Variants in F5 observed in about 807,000 individuals in gnomAD.
F5 encodes coagulation factor V.
A neutral mutation model predicts 216.4 loss-of-function variants in F5; 138 were observed. The ratio of observed to expected loss-of-function variants is 0.64; its 90% CI spans 0.56 to 0.73. The LOEUF (loss-of-function observed/expected upper bound fraction) is 0.73. F5 is among the 30% of genes least tolerant of loss of function. The pLI, the probability that F5 is intolerant of heterozygous loss-of-function variation, is 0.00. For missense variants in F5, 2,403 were observed against 2,674.0 expected (o/e 0.90, Z 2.24); for synonymous variants, 916 against 930.7 (o/e 0.98, Z 0.29).
chr1:169,540,950 A>C lies in F5; in HGVS notation c.4140T>G (p.Ser1380Arg). The part of the protein sequence containing the change: ...LSQTNLSPEL[S>R]QTNLSPDLSE... The stretch of plus-strand genomic sequence containing the variant: ...TGAGGTCTGGGGAAAGGTTTGTCTG[A>C]CTGAGTTCTGGAGAGAGGTTTGTCT... The change falls in exon 13 of 25, where the codon AGT (serine) becomes AGG (arginine). Residue 1380 changes from serine (S) to arginine (R), a missense_variant. Ser to Arg is a moderately radical substitution (Grantham distance 110, BLOSUM62 -1). Coordinates refer to ENST00000367797, the MANE Select transcript of F5 (RefSeq NM_000130.5). 1 of 1,611,624 alleles carries C rather than the reference A, an allele frequency of 6.2e-7. No homozygotes were observed. The highest frequency in any genetic ancestry group is 2.2e-5 in the East Asian group (1 of 44,874).
chr1:169,534,319 T>C (rs1490373936), intron 14 of F5, among the ~76,000 whole-genome samples: 1 of 152,154 alleles, frequency 6.6e-6, no homozygotes, highest in African/African-American at 2.4e-5. Flanking sequence ...CTGTGGCTTG[T>C]CCTGCTACAA....
chr1:169,558,085 A>G (rs905229054), intron 5 of F5, among the ~76,000 whole-genome samples: 1 of 152,150 alleles, frequency 6.6e-6, no homozygotes, highest in African/African-American at 2.4e-5. Context: ...GCATCCATAT[A>G]CTTATACAGA....
rs754443863 is a variant in F5 at position 169,542,998 on chromosome 1, G to A, written c.2092C>T (p.Pro698Ser). The change falls in exon 13 of 25, where the codon CCT becomes TCT. Residue 698 changes from proline to serine, a missense_variant. Physicochemically the swap from Pro to Ser is moderately conservative, Grantham distance 74. Around this residue, in one of 4 missense-constraint regions of F5, gnomAD observed 1,425 missense variants for 1,554.8 expected, o/e 0.92. Coordinates refer to ENST00000367797, the MANE Select transcript of F5 (RefSeq NM_000130.5). ...GTAGCCATGACTGTAGATTCTGGAGGTTCAAAAATCTCATATGAGTCTTCA... is the reference window on the plus strand; with the variant it reads ...GTAGCCATGACTGTAGATTCTGGAGATTCAAAAATCTCATATGAGTCTTCA... ...DDEDSYEIFE[P>S]PESTVMATRK... 6.2e-7 allele frequency: 1 copy of A among 1,613,984 alleles called. No homozygotes were observed. Among genetic ancestry groups the A allele is most frequent in the Non-Finnish European group, 8.5e-7 (1 of 1,179,972 alleles).
intron 13 of F5, 45 bp downstream of exon 13, chr1:169,540,249 C>T (rs749997873): frequency 3.8e-6 from 6 of 1,597,720 alleles, no homozygotes; most frequent in Non-Finnish European, 5.1e-6. Flanking sequence ...CTTTTTTCAG[C>T]AGTAATGGAA....
intron 2 of F5, among the ~76,000 whole-genome samples, chr1:169,578,734 A>T (rs939360708): frequency 3.3e-5 from 5 of 152,186 alleles, no homozygotes; most frequent in African/African-American, 1.2e-4. Context: ...GTGATATAGG[A>T]CAGGACATCC....
chr1:169,543,127 G>A lies in F5; in HGVS notation c.1976-13C>T, dbSNP rs755145120. 2 of 1,610,796 alleles carry A rather than the reference G, an allele frequency of 1.2e-6. No individual in the cohort carries two copies. The highest frequency in any genetic ancestry group is 1.1e-5 in the South Asian group (1 of 91,018). On this transcript the variant is annotated splice_polypyrimidine_tract_variant and intron_variant, in intron 12 of 24. Transcript: ENST00000367797. ...AACATCCAAGTTCCTACAGAAGAGAGACAGACAGAAGAGAGATCTGGAAGT... is the reference window on the plus strand; with the variant it reads ...AACATCCAAGTTCCTACAGAAGAGAAACAGACAGAAGAGAGATCTGGAAGT...
intron 11 of F5, among the ~76,000 whole-genome samples, chr1:169,544,926 T>C (rs1471811928): frequency 6.6e-6 from 1 of 152,246 alleles, no homozygotes; most frequent in Admixed American, 6.5e-5. Flanking sequence ...CCATTTAGCA[T>C]ATTTTATAGT....
intron 2 of F5, among the ~76,000 whole-genome samples, chr1:169,572,725 A>G (rs1383084782): frequency 6.6e-6 from 1 of 152,186 alleles, no homozygotes; most frequent in Non-Finnish European, 1.5e-5. Flanking sequence ...TTTCTCTGAC[A>G]TGGGTGTGCT....
In F5 at chr1:169,550,684, G is replaced by T. The variant is rs762404257; in HGVS notation, c.1352C>A (p.Thr451Asn). The change falls in exon 9 of 25, where the codon ACC becomes AAC. Residue 451 changes from threonine to asparagine, a missense_variant. By Grantham distance (65) the Thr-to-Asn change is moderately conservative. Transcript: ENST00000367797. ...GACTTCATCTTCATAAGGCGAGAAG[G>T]TCACTCCATGAGGGTAAATGCTATA... Reference protein sequence around the residue: ...RPYSIYPHGVTFSPYEDEVNS... With the variant: ...RPYSIYPHGVNFSPYEDEVNS... 1.9e-6 allele frequency: 3 copies of T among 1,614,042 alleles called. No individual in the cohort carries two copies. The highest frequency in any genetic ancestry group is 2.2e-5 in the South Asian group (2 of 91,076).
chr1:169,575,555 C>T (rs1660825943), intron 2 of F5, among the ~76,000 whole-genome samples: 1 of 151,848 alleles, frequency 6.6e-6, no homozygotes, highest in Non-Finnish European at 1.5e-5. Flanking sequence ...ATAGAAGACT[C>T]CAGGAGAGAT....
rs1660339127 is a variant in F5, at chr1:169,556,703, T to A, written c.895A>T (p.Thr299Ser). ...ATCCACTTTCCCTCTGGGCCCACAG[T>A]CATATTTGCGGTAGTGGATGTAGCA... Reference protein sequence around the residue: ...VSATSTTANMTVGPEGKWIIS... With the variant: ...VSATSTTANMSVGPEGKWIIS... Residue 299 changes from threonine to serine, a missense_variant, in exon 6 of 25, where the codon ACT becomes TCT. Coordinates refer to ENST00000367797, the MANE Select transcript of F5 (RefSeq NM_000130.5). The A allele has an allele frequency of 6.2e-7, 1 of 1,613,984 alleles. No individual in the cohort carries two copies. Among genetic ancestry groups the A allele is most frequent in the Non-Finnish European group, 8.5e-7 (1 of 1,180,012 alleles).
At chr1:169,571,183 C>A (rs937705399) in intron 3 of F5, among the ~76,000 whole-genome samples, 1 of 152,124 alleles carries the variant, frequency 6.6e-6, no homozygotes, top group African/African-American at 2.4e-5. Flanking sequence ...ATCTGAACAT[C>A]AGCATAATGG....
chr1:169,561,664 C>A (rs962897275), intron 3 of F5, among the ~76,000 whole-genome samples: 1 of 152,012 alleles, frequency 6.6e-6, no homozygotes, highest in Non-Finnish European at 1.5e-5. Context: ...TGAAAGATTC[C>A]CTATCATCAG....
intron 5 of F5, among the ~76,000 whole-genome samples, chr1:169,557,395 A>T (rs1258647589): frequency 2.0e-5 from 3 of 152,114 alleles, no homozygotes; most frequent in African/African-American, 7.2e-5. Context: ...AGGGAAGAAG[A>T]TGTGAAGATG....
chr1:169,576,565 C>T (rs1335926125), intron 2 of F5, among the ~76,000 whole-genome samples: 5 of 152,174 alleles, frequency 3.3e-5, no homozygotes, highest in Non-Finnish European at 7.3e-5. Context: ...TGAGCCAAAG[C>T]TCTCCCTATT....
At chr1:169,585,255 A>G (rs547460984) in intron 1 of F5, among the ~76,000 whole-genome samples, 1 of 152,354 alleles carries the variant, frequency 6.6e-6, no homozygotes, top group East Asian at 1.9e-4. Context: ...TAACCCAGTT[A>G]CAATGAGAGT....
chr1:169,517,403 G>A (rs9332666), intron 23 of F5, among the ~76,000 whole-genome samples: 5 of 152,118 alleles, frequency 3.3e-5, no homozygotes. Flanking sequence ...TTCTATTTAC[G>A]CCACCAGCAC....
chr1:169,532,816 A>T (rs1659620454), intron 14 of F5, among the ~76,000 whole-genome samples: 1 of 152,226 alleles, frequency 6.6e-6, no homozygotes, highest in Non-Finnish European at 1.5e-5. Flanking sequence ...AGCAATCTAC[A>T]GATTCAACAC....
In F5 at chr1:169,582,505, G is replaced by A; in HGVS notation, c.176C>T (p.Thr59Ile). ...TCTGTAGACAATTTTCTTAAAGGAA[G>A]TTACAGAAAGATTCAAACTGGAAAT... is the stretch of plus-strand genomic sequence containing the variant. ...PTNSSLNLSV[T>I]SFKKIVYREY... The change falls in exon 2 of 25, where the codon ACT becomes ATT. Residue 59 changes from threonine to isoleucine, a missense_variant. Physicochemically the swap from Thr to Ile is moderately conservative, Grantham distance 89. Coordinates refer to ENST00000367797, the MANE Select transcript of F5 (RefSeq NM_000130.5). The A allele has an allele frequency of 2.6e-6, 4 of 1,542,566 alleles. No individual in the cohort carries two copies. The highest frequency in any genetic ancestry group is 3.6e-6 in the Non-Finnish European group (4 of 1,119,636).
Sources: allele counts gnomAD v4.1 joint callset (sites outside exome capture counted in the v4.1 genomes callset), GRCh38; gene constraint gnomAD v4.1.1; regional missense constraint gnomAD v4.1.1; transcripts MANE v1.5; gene names NCBI Gene and HGNC (gene_info 2026-07-23, HGNC 2026-07-21).